CYTH3: variants seen among roughly 807,000 people sequenced by gnomAD.
CYTH3 encodes the protein cytohesin 3, also known as cytohesin-3.
Under a neutral mutation model 55.1 loss-of-function variants are expected in CYTH3, and 23 were observed. The ratio of observed to expected loss-of-function variants is 0.42; its 90% CI spans 0.30 to 0.59. The LOEUF is 0.59. Among genes scored for constraint, CYTH3 ranks in the 20% least tolerant of loss-of-function variants. The probability of loss-of-function intolerance (pLI) is 0.20; values close to 1 mark genes in which losing one functional copy is unlikely to be tolerated. For synonymous variants in CYTH3, 249 were observed against 194.9 expected (o/e 1.28, Z -2.31); for missense variants, 413 against 524.8 (o/e 0.79, Z 2.08).
intron 1 of CYTH3, among the ~76,000 whole-genome samples, chr7:6,215,133 C>T (rs187897519): frequency 7.5e-4 from 114 of 152,286 alleles, no homozygotes; most frequent in Non-Finnish European, 1.5e-3. Flanking sequence ...AACGCCACTC[C>T]ACAACATGGA....
In CYTH3 at chr7:6,169,313, T is replaced by C. The variant is rs140234940; in HGVS notation, c.823+1222A>G. Among the ~76,000 whole-genome samples, 8 of 152,294 alleles carry C rather than the reference T, an allele frequency of 5.3e-5. No homozygotes were observed. The highest frequency in any genetic ancestry group is 1.9e-4 in the African/African-American group (8 of 41,566). ...ATGGTTCATTGGAGCCTCAACCTCC[T>C]GGGCTCAGGCCATCCTCCTGCCTCA... On this transcript the variant is annotated intron_variant, in intron 9 of 12. Coordinates refer to ENST00000350796, the MANE Select transcript of CYTH3 (RefSeq NM_004227.4). This position sits in a 1 kb window ranked among gnomAD's most constrained non-coding sequence, Gnocchi z 4.1.
In CYTH3 at chr7:6,186,243, CAAA is replaced by C. The variant is rs35117209; in HGVS notation, c.249+804_249+806del. Among the ~76,000 whole-genome samples the C allele has an allele frequency of 9.1e-5, 7 of 77,240 alleles. No individual in the cohort carries two copies. In the South Asian group the frequency reaches 1.3e-3, roughly 14 times the overall value. 50.7% of individuals were successfully genotyped at this position (77,240 alleles called of 152,430 possible). A position where few individuals can be genotyped will look rare whatever the true frequency, so the allele number is the denominator to read the frequency against. On this transcript the variant is annotated intron_variant, in intron 4 of 12. Coordinates refer to ENST00000350796, the MANE Select transcript of CYTH3 (RefSeq NM_004227.4). ...TGGGTGACAGAGCAAGACTCTATCTCAAAAAAAAAAAAAAAAAAAAAAGTGCAG... is the reference window on the plus strand; with the variant it reads ...TGGGTGACAGAGCAAGACTCTATCTCAAAAAAAAAAAAAAAAAAAGTGCAG...
chr7:6,197,916 A>C (rs1214662845), intron 1 of CYTH3, among the ~76,000 whole-genome samples: 2 of 151,540 alleles, frequency 1.3e-5, no homozygotes, highest in Non-Finnish European at 2.9e-5. Context: ...ACACAAAGAA[A>C]CTCTGTCTCT....
intron 1 of CYTH3, among the ~76,000 whole-genome samples, chr7:6,195,609 C>G (rs1193106857): frequency 3.9e-5 from 6 of 152,092 alleles, no homozygotes; most frequent in Non-Finnish European, 7.4e-5. Flanking sequence ...TGCCTGCCAT[C>G]ACGCCCGGCT....
intron 1 of CYTH3, among the ~76,000 whole-genome samples, chr7:6,233,210 A>G (rs1779431297): frequency 6.6e-6 from 1 of 152,136 alleles, no homozygotes; most frequent in Admixed American, 6.6e-5. Context: ...AGACATCTCC[A>G]ATAGGACTGC....
At position 6,187,685 on chromosome 7, in the gene CYTH3, T is replaced by A; in HGVS notation, c.154A>T (p.Ile52Phe). ...KYEIAEVMTE[I>F]DNLTSVEESK... ...TCCTCTACGGAAGTTAGATTGTCGATCTCTGTCATCACCTCTGCAATTTCA... is the reference window on the plus strand; with the variant it reads ...TCCTCTACGGAAGTTAGATTGTCGAACTCTGTCATCACCTCTGCAATTTCA... The change falls in exon 3 of 13, where the codon ATC (isoleucine) becomes TTC (phenylalanine). Residue 52 changes from isoleucine to phenylalanine, a missense_variant. By Grantham distance (21) the Ile-to-Phe change is conservative. Coordinates refer to ENST00000350796, the MANE Select transcript of CYTH3 (RefSeq NM_004227.4). 1.2e-6 allele frequency: 2 copies of A among 1,614,146 alleles called. No homozygotes were observed. Among genetic ancestry groups the A allele is most frequent in the Non-Finnish European group, 1.7e-6 (2 of 1,180,000 alleles).
intron 9 of CYTH3, among the ~76,000 whole-genome samples, chr7:6,168,283 C>T (rs964635317): frequency 6.8e-6 from 1 of 148,144 alleles, no homozygotes; most frequent in African/African-American, 2.5e-5. Flanking sequence ...TACCAACAAT[C>T]GTAAGCCACG....
In CYTH3 at chr7:6,171,082, T is replaced by A. The variant is rs1783175910; in HGVS notation, c.563-104A>T. 4 of 1,587,664 alleles carry A rather than the reference T, an allele frequency of 2.5e-6. No individual in the cohort carries two copies. Among genetic ancestry groups the A allele is most frequent in the Admixed American group, 3.4e-5 (2 of 58,720 alleles). On this transcript the variant is annotated intron_variant, in intron 7 of 12. Transcript: ENST00000350796. This position sits in a 1 kb window ranked among gnomAD's most constrained non-coding sequence, Gnocchi z 6.7. ...CAAGAGGTGCCCGGCCCACAGGTCGTCCTCGCTCAGGGAAGGCAGGTCCCC... is the reference window on the plus strand; with the variant it reads ...CAAGAGGTGCCCGGCCCACAGGTCGACCTCGCTCAGGGAAGGCAGGTCCCC...
At chr7:6,271,483 A>AG (rs924227315) in intron 1 of CYTH3, among the ~76,000 whole-genome samples, 12 of 150,516 alleles carry the variant, frequency 8.0e-5, no homozygotes, top group African/African-American at 3.0e-4. Flanking sequence ...GGAGATCTTC[A>AG]GGAAAAAAAA....
intron 4 of CYTH3, among the ~76,000 whole-genome samples, chr7:6,181,418 C>T (rs1319167149): frequency 2.0e-5 from 3 of 152,222 alleles, no homozygotes; most frequent in Non-Finnish European, 4.4e-5. Flanking sequence ...GGTTTTAAAT[C>T]ATGTTTCCTC....
At chr7:6,241,388 G>A (rs1779669040) in intron 1 of CYTH3, among the ~76,000 whole-genome samples, 1 of 152,202 alleles carries the variant, frequency 6.6e-6, no homozygotes, top group South Asian at 2.1e-4. Context: ...TGACCCATCA[G>A]ACTGGCAAAA....
chr7:6,234,009 A>C (rs1779455922), intron 1 of CYTH3, among the ~76,000 whole-genome samples: 1 of 152,216 alleles, frequency 6.6e-6, no homozygotes, highest in African/African-American at 2.4e-5. Flanking sequence ...TCACCTACAA[A>C]GAACCACCTC....
chr7:6,207,971 T>C (rs1369331943), intron 1 of CYTH3, among the ~76,000 whole-genome samples: 2 of 151,998 alleles, frequency 1.3e-5, no homozygotes. Context: ...GGGAAAGGTG[T>C]TAGAAGCAGA....
At chr7:6,249,598 G>C (rs1201180852) in intron 1 of CYTH3, among the ~76,000 whole-genome samples, 1 of 152,202 alleles carries the variant, frequency 6.6e-6, no homozygotes, top group Non-Finnish European at 1.5e-5. Context: ...AGCTGCTCCT[G>C]CTTACTCTAA....
At position 6,178,569 on chromosome 7, in the gene CYTH3, A is replaced by G. The variant is rs555319921; in HGVS notation, c.250-628T>C. Reference sequence around the variant, plus strand: ...CCTTGAACACTTATGTGATGACCAGAGCCACAGTGGCCATCTCACATGGGA... The same window carrying G: ...CCTTGAACACTTATGTGATGACCAGGGCCACAGTGGCCATCTCACATGGGA... On this transcript the variant is annotated intron_variant, in intron 4 of 12. Transcript: ENST00000350796. 4.9e-4 allele frequency among the ~76,000 whole-genome samples: 74 copies of G among 152,368 alleles called. 1 individual carries two copies. The highest frequency in any genetic ancestry group is 1.7e-3 in the African/African-American group (71 of 41,588).
chr7:6,253,469 A>G (rs946900447), intron 1 of CYTH3, among the ~76,000 whole-genome samples: 8 of 151,814 alleles, frequency 5.3e-5, no homozygotes, highest in Non-Finnish European at 1.0e-4. Flanking sequence ...TCGGCCTCTC[A>G]AAGTGCTGAA....
chr7:6,241,930 T>C (rs751406522), intron 1 of CYTH3, among the ~76,000 whole-genome samples: 9 of 152,138 alleles, frequency 5.9e-5, no homozygotes, highest in African/African-American at 9.7e-5. Context: ...ATTGCATAAA[T>C]AAACATTAAA....
intron 1 of CYTH3, among the ~76,000 whole-genome samples, chr7:6,231,406 G>A (rs1409739071): frequency 6.6e-6 from 1 of 152,192 alleles, no homozygotes; most frequent in Non-Finnish European, 1.5e-5. Flanking sequence ...GGCAGAGCCT[G>A]CTCACAGCTC....
chr7:6,267,513 T>C (rs1461975537), intron 1 of CYTH3, among the ~76,000 whole-genome samples: 1 of 152,234 alleles, frequency 6.6e-6, no homozygotes, highest in Non-Finnish European at 1.5e-5. Context: ...ATTATCTTTT[T>C]GTTGCGGTCT....
Sources: allele counts gnomAD v4.1 joint callset (sites outside exome capture counted in the v4.1 genomes callset), GRCh38; gene constraint gnomAD v4.1.1; non-coding constraint Gnocchi (gnomAD v3.1); transcripts MANE v1.5; gene names NCBI Gene and HGNC (gene_info 2026-07-23, HGNC 2026-07-21).